The following ANTXR2 variants were observed in gnomAD, a reference collection of about 807,000 sequenced individuals.
The protein encoded by ANTXR2 is ANTXR cell adhesion molecule 2.
A neutral mutation model predicts 73.7 loss-of-function variants in ANTXR2; 44 were observed. The observed-to-expected ratio is 0.60, with a 90% CI of 0.47 to 0.77. The LOEUF is 0.77. Among genes scored for constraint, ANTXR2 ranks in the 30% least tolerant of loss-of-function variants. The pLI is 0.00. For synonymous variants in ANTXR2, 217 were observed against 205.9 expected, an observed-to-expected ratio of 1.05 and a Z score of -0.46; for missense variants, 604 against 592.5, an observed-to-expected ratio of 1.02 and a Z score of -0.20.
intron 16 of ANTXR2, among the ~76,000 whole-genome samples, chr4:79,932,297 C>T (rs559103909): frequency 1.1e-4 from 17 of 148,206 alleles, no homozygotes; most frequent in African/African-American, 3.4e-4. Flanking sequence ...TATTTTCTTT[C>T]TTTTTTTTTT....
At chr4:79,927,484 G>A (rs920340685) in intron 16 of ANTXR2, among the ~76,000 whole-genome samples, 4 of 152,096 alleles carry the variant, frequency 2.6e-5, no homozygotes, top group African/African-American at 9.7e-5. Flanking sequence ...TATAAAATTT[G>A]CATATAACCT....
rs768265599 is a variant in ANTXR2, at chr4:79,904,058, G to A, written c.*3371C>T. On this transcript the variant is annotated 3_prime_UTR_variant, in exon 17 of 17. Coordinates refer to ENST00000403729, the MANE Select transcript of ANTXR2 (RefSeq NM_058172.6). ...ATTTCAAAAATAACATATATAAGCT[G>A]GTCTATCAAAATGTTTTAAACACCT... 6.6e-6 allele frequency: 1 copy of A among 151,816 alleles called. No individual in the cohort carries two copies. Among genetic ancestry groups the A allele is most frequent in the Non-Finnish European group, 1.5e-5 (1 of 67,934 alleles). 9.4% of individuals were successfully genotyped at this position (151,816 alleles called of 1,614,324 possible).
chr4:79,960,335 T>C (rs956976888), intron 16 of ANTXR2, among the ~76,000 whole-genome samples: 1 of 152,162 alleles, frequency 6.6e-6, no homozygotes, highest in Non-Finnish European at 1.5e-5. Context: ...ATGTATTATT[T>C]TCAGTATACT....
chr4:80,022,755 A>G (rs10012321), intron 10 of ANTXR2, among the ~76,000 whole-genome samples: 112,682 of 151,984 alleles, frequency 0.74, 42,139 homozygotes, highest in East Asian at 0.95. Context: ...ATATATGGGA[A>G]GCAAGAGAGC....
At chr4:80,056,127 G>A (rs943005195) in intron 3 of ANTXR2, 114 bp from the exon 4 acceptor site, 5 of 602,106 alleles carry the variant, frequency 8.3e-6, no homozygotes, top group Non-Finnish European at 1.3e-5. Context: ...GGAAGCAGAG[G>A]AAAGAACATG....
chr4:80,010,792 T>A (rs1206719306), intron 11 of ANTXR2, among the ~76,000 whole-genome samples: 1 of 152,172 alleles, frequency 6.6e-6, no homozygotes, highest in East Asian at 1.9e-4. Context: ...CATCTCCAGA[T>A]ACAAATATAA....
rs148872439 is a variant in ANTXR2 at position 80,011,597 on chromosome 4, C to T, written c.946-2981G>A. Reference sequence around the variant, plus strand: ...AAACTGAGAAGCTTCTAGTTTCGCTCGTGATATAGATCTATATGTAATCAA... The same window carrying T: ...AAACTGAGAAGCTTCTAGTTTCGCTTGTGATATAGATCTATATGTAATCAA... On this transcript the variant is annotated intron_variant, in intron 11 of 16. Transcript: ENST00000403729. 5.5e-3 allele frequency among the ~76,000 whole-genome samples: 843 copies of T among 152,258 alleles called. 10 individuals carry two copies. Among genetic ancestry groups the T allele is most frequent in the African/African-American group, 0.019 (798 of 41,536 alleles).
chr4:80,021,556 AAAATTCACCAGAAACGAAC>A (rs1732164319), intron 10 of ANTXR2, among the ~76,000 whole-genome samples: 1 of 152,210 alleles, frequency 6.6e-6, no homozygotes, highest in South Asian at 2.1e-4. Context: ...TCTGACAGTT[AAAATTCACCAGAAACGAAC>A]AAGTTCTCTA....
At chr4:80,055,823 A>G (rs1733969651) in intron 4 of ANTXR2, 109 bp downstream of exon 4, 1 of 826,878 alleles carries the variant, frequency 1.2e-6, no homozygotes, top group Admixed American at 3.5e-5. Context: ...CACTTTAAAA[A>G]CTTTAAGATA....
intron 7 of ANTXR2, among the ~76,000 whole-genome samples, chr4:80,052,626 T>C (rs1164476908): frequency 6.6e-6 from 1 of 151,656 alleles, no homozygotes; most frequent in Non-Finnish European, 1.5e-5. Flanking sequence ...ACATGAAAAC[T>C]ATACCCATGA....
chr4:80,047,176 C>T (rs530814399), intron 7 of ANTXR2, among the ~76,000 whole-genome samples: 8 of 151,398 alleles, frequency 5.3e-5, no homozygotes, highest in Non-Finnish European at 8.9e-5. Flanking sequence ...ATTTAATTTT[C>T]TTAAACTACA....
intron 3 of ANTXR2, among the ~76,000 whole-genome samples, chr4:80,059,106 T>A (rs1179988564): frequency 6.6e-6 from 1 of 152,062 alleles, no homozygotes; most frequent in Non-Finnish European, 1.5e-5. Context: ...TTTCATCCCC[T>A]TTTCCAAAAT....
At chr4:79,986,375 AC>A (rs1730161704) in intron 12 of ANTXR2, among the ~76,000 whole-genome samples, 1 of 152,160 alleles carries the variant, frequency 6.6e-6, no homozygotes. Flanking sequence ...ATGTGGTTCC[AC>A]TTTTACCTCA....
At chr4:79,948,403 T>A (rs1434931874) in intron 16 of ANTXR2, among the ~76,000 whole-genome samples, 1 of 152,166 alleles carries the variant, frequency 6.6e-6, no homozygotes, top group Non-Finnish European at 1.5e-5. Flanking sequence ...ATACAACACG[T>A]GTTACTCCAA....
intron 7 of ANTXR2, among the ~76,000 whole-genome samples, chr4:80,036,522 T>C (rs544632923): frequency 6.6e-6 from 1 of 152,208 alleles, no homozygotes; most frequent in Admixed American, 6.6e-5. Context: ...CACTTCTGAC[T>C]GTGCACAGTG....
At chr4:80,064,179 AT>A (rs763302517) in intron 3 of ANTXR2, among the ~76,000 whole-genome samples, 3 of 152,156 alleles carry the variant, frequency 2.0e-5, no homozygotes, top group Non-Finnish European at 1.5e-5. Flanking sequence ...CCTACGGAAG[AT>A]TTTTTTCCCC....
chr4:80,004,216 G>GA (rs949709356), intron 12 of ANTXR2, among the ~76,000 whole-genome samples: 4 of 150,470 alleles, frequency 2.7e-5, no homozygotes, highest in Non-Finnish European at 3.0e-5. Context: ...AAAAAATTAT[G>GA]AAAAAAAATA....
In ANTXR2 at chr4:80,062,462, C is replaced by G. The variant is rs1253657636; in HGVS notation, c.297-6449G>C. Among the ~76,000 whole-genome samples the G allele has an allele frequency of 2.0e-5, 3 of 152,158 alleles. No homozygotes were observed. The South Asian group carries it at 6.2e-4, about 31-fold the overall frequency. ...AATGTACTTAATTTTCTAGAACATG[C>G]TCATAAAACAGATGTGGGACTTCAG... On this transcript the variant is annotated intron_variant, in intron 3 of 16. Transcript: ENST00000403729.
chr4:80,021,513 G>A (rs1578162680), intron 10 of ANTXR2, among the ~76,000 whole-genome samples: 2 of 152,030 alleles, frequency 1.3e-5, no homozygotes, highest in South Asian at 4.2e-4. Flanking sequence ...CAACTTTAAG[G>A]GATCAGTAGA....
Sources: gnomAD v4.1 joint callset for allele counts (sites outside exome capture counted in the v4.1 genomes callset) on GRCh38, gnomAD v4.1.1 for gene constraint, MANE v1.5 for transcripts, NCBI Gene and HGNC (gene_info 2026-07-23, HGNC 2026-07-21) for gene names.